Variants in NFIC observed in about 807,000 individuals in gnomAD.
The protein encoded by NFIC is nuclear factor I C.
A neutral mutation model predicts 54.4 loss-of-function variants in NFIC; 12 were observed. That is an observed-to-expected ratio of 0.22 (90% confidence interval 0.14 to 0.36). The LOEUF (loss-of-function observed/expected upper bound fraction) is 0.36. NFIC is among the 10% of genes least tolerant of loss of function. The probability of loss-of-function intolerance (pLI) is 1.00; values close to 1 mark genes in which losing one functional copy is unlikely to be tolerated. For missense variants in NFIC, 575 were observed against 718.2 expected, an observed-to-expected ratio of 0.80 and a Z score of 2.28; for synonymous variants, 322 against 319.2, an observed-to-expected ratio of 1.01 and a Z score of -0.09.
At position 3,467,754 on chromosome 19, in the gene NFIC, T is replaced by TATAC. The variant is rs1397206348; in HGVS notation, c.*4989_*4992dup. The TATAC allele has an allele frequency of 5.3e-5, 4 of 75,582 alleles. No homozygotes were observed. Among genetic ancestry groups the TATAC allele is most frequent in the East Asian group, 3.9e-4 (1 of 2,588 alleles). The allele number at this position is 75,582 out of a possible 1,614,324, so 4.7% of individuals were successfully genotyped here. ...TTTGACCTCCAGTGTAGGGCTATAC[T>TATAC]ATACATATATATATATATATATATA... On this transcript the variant is annotated 3_prime_UTR_variant, in exon 11 of 11. Transcript: ENST00000443272.
rs767201065 is a variant in NFIC at position 3,381,750 on chromosome 19, C to A, written c.69C>A (p.His23Gln). Reference sequence around the variant, plus strand: ...CGTTCATCGAGGCCCTGCTGCCTCACGTCCGCGCCTTCGCCTACACCTGGT... The same window carrying A: ...CGTTCATCGAGGCCCTGCTGCCTCAAGTCCGCGCCTTCGCCTACACCTGGT... ...FHPFIEALLP[H>Q]VRAFAYTWFN... is the part of the protein sequence containing the mutation. The change falls in exon 2 of 11, where the codon CAC becomes CAA. Residue 23 changes from histidine (H) to glutamine (Q), a missense_variant. Physicochemically the swap from His to Gln is conservative, Grantham distance 24 (BLOSUM62 0). Around this residue, in one of 3 missense-constraint regions of NFIC, gnomAD observed 122 missense variants for 158.0 expected, o/e 0.77. Coordinates refer to ENST00000443272, the MANE Select transcript of NFIC (RefSeq NM_001245002.2). The A allele has an allele frequency of 4.3e-6, 7 of 1,613,848 alleles. No homozygotes were observed. In the South Asian group the frequency reaches 5.5e-5, roughly 13 times the overall value.
upstream of NFIC, among the ~76,000 whole-genome samples, chr19:3,361,765 C>T (rs536060689): frequency 4.6e-5 from 7 of 152,226 alleles, no homozygotes; most frequent in South Asian, 6.2e-4. Context: ...GTTGGATGCC[C>T]TGGCCTTCAG....
At chr19:3,440,585 C>T (rs1290024508) in intron 6 of NFIC, among the ~76,000 whole-genome samples, 1 of 152,102 alleles carries the variant, frequency 6.6e-6, no homozygotes, top group African/African-American at 2.4e-5. Context: ...TGCCCGCCAC[C>T]ACGGCTGGCT....
chr19:3,375,576 C>T lies in NFIC; in HGVS notation c.31-6136C>T, dbSNP rs962875216. Among the ~76,000 whole-genome samples the T allele has an allele frequency of 1.3e-5, 2 of 152,200 alleles. No individual in the cohort carries two copies. The highest frequency in any genetic ancestry group is 2.1e-4 in the South Asian group (1 of 4,832). ...AGGTTGGCTGGGGAAGCGGGGGCAG[C>T]GGAAAAGGGCCCTGAGGTCCGGTCC... is the stretch of plus-strand genomic sequence containing the variant. On this transcript the variant is annotated intron_variant, in intron 1 of 10. Coordinates refer to ENST00000443272, the MANE Select transcript of NFIC (RefSeq NM_001245002.2). This position sits in a 1 kb window ranked among gnomAD's most constrained non-coding sequence, Gnocchi z 4.6.
chr19:3,398,400 C>T (rs1183393174), intron 2 of NFIC, among the ~76,000 whole-genome samples: 1 of 152,118 alleles, frequency 6.6e-6, no homozygotes, highest in Non-Finnish European at 1.5e-5. Flanking sequence ...AGGCAAAGGC[C>T]ACCCAGCCTG....
chr19:3,450,637 A>G (rs2082447419), intron 7 of NFIC, among the ~76,000 whole-genome samples: 2 of 152,156 alleles, frequency 1.3e-5, no homozygotes, highest in South Asian at 4.1e-4. Flanking sequence ...CCTGGGCAAC[A>G]GAGCAAGACT....
At chr19:3,381,648 C>G (rs1599578940) in intron 1 of NFIC, 64 bp from the exon 2 acceptor site, 4 of 936,424 alleles carry the variant, frequency 4.3e-6, no homozygotes, top group Non-Finnish European at 1.5e-6. Context: ...GCCTTCGGGG[C>G]CGGGCAGTGG....
At chr19:3,427,093 A>AT (rs2082039327) in intron 3 of NFIC, among the ~76,000 whole-genome samples, 1 of 151,410 alleles carries the variant, frequency 6.6e-6, no homozygotes, top group Non-Finnish European at 1.5e-5. Flanking sequence ...CACCCGGGTA[A>AT]TTTTTTGTAC....
In NFIC at chr19:3,379,673, C is replaced by CTTTT. The variant is rs370082450; in HGVS notation, c.31-2019_31-2016dup. Among the ~76,000 whole-genome samples the CTTTT allele has an allele frequency of 2.9e-3, 294 of 102,466 alleles. 2 individuals are homozygous for CTTTT. The highest frequency in any genetic ancestry group is 6.7e-3 in the African/African-American group (144 of 21,462). 67.2% of individuals were successfully genotyped at this position (102,466 alleles called of 152,430 possible). A position where few individuals can be genotyped will look rare whatever the true frequency, so the allele number is the denominator to read the frequency against. ...ATTTTTCATTTTTTTTTATTTCTTTCTTTTTTTTTTTTTTTTTTTTTTTGA... is the reference window on the plus strand; with the variant it reads ...ATTTTTCATTTTTTTTTATTTCTTTCTTTTTTTTTTTTTTTTTTTTTTTTTTTGA... On this transcript the variant is annotated intron_variant, in intron 1 of 10. Transcript: ENST00000443272.
Position 3,463,212 on chromosome 19 carries a change from G to A in NFIC, c.*443G>A. ...TCTGTCCGGAGACCAGGTGAGCACA[G>A]CCTGGAGCCTGTGCCCAGGGCCGAC... On this transcript the variant is annotated 3_prime_UTR_variant, in exon 11 of 11. Coordinates refer to ENST00000443272, the MANE Select transcript of NFIC (RefSeq NM_001245002.2). 1 of 1,006,348 alleles carries A rather than the reference G, an allele frequency of 9.9e-7. No individual in the cohort carries two copies. The highest frequency in any genetic ancestry group is 1.2e-6 in the Non-Finnish European group (1 of 844,338). The allele number at this position is 1,006,348 out of a possible 1,614,324, so 62.3% of individuals were successfully genotyped here. A position where few individuals can be genotyped will look rare whatever the true frequency, so the allele number is the denominator to read the frequency against.
chr19:3,442,629 C>T (rs572147082), intron 6 of NFIC, among the ~76,000 whole-genome samples: 6 of 152,038 alleles, frequency 3.9e-5, no homozygotes, highest in East Asian at 1.9e-4. Context: ...TCAAGTGATC[C>T]GCCCGCCTCG....
intron 2 of NFIC, among the ~76,000 whole-genome samples, chr19:3,416,341 A>T (rs569667208): frequency 6.7e-6 from 1 of 149,592 alleles, no homozygotes; most frequent in East Asian, 1.9e-4. Flanking sequence ...ACATAGGTAT[A>T]TAAAGTATAA....
chr19:3,435,322 C>T (rs983688772), intron 6 of NFIC, 115 bp downstream of exon 6: 2 of 1,369,130 alleles, frequency 1.5e-6, no homozygotes, highest in African/African-American at 1.5e-5. Context: ...GGCCTGGAGC[C>T]GCGGGGCCTC....
intron 2 of NFIC, among the ~76,000 whole-genome samples, chr19:3,424,840 G>A (rs1347762343): frequency 6.6e-6 from 1 of 152,212 alleles, no homozygotes; most frequent in African/African-American, 2.4e-5. Flanking sequence ...AGAAGCGGAG[G>A]GCTTACCCAA....
Position 3,463,080 on chromosome 19 carries a change from A to C in NFIC, c.*311A>C, listed in dbSNP as rs1480895328. 4 of 1,302,484 alleles carry C rather than the reference A, an allele frequency of 3.1e-6. No homozygotes were observed. In the African/African-American group the frequency reaches 6.1e-5, roughly 20 times the overall value. The allele number at this position is 1,302,484 out of a possible 1,614,324, so 80.7% of individuals were successfully genotyped here. A position where few individuals can be genotyped will look rare whatever the true frequency, so the allele number is the denominator to read the frequency against. On this transcript the variant is annotated 3_prime_UTR_variant, in exon 11 of 11. Transcript: ENST00000443272. Reference sequence around the variant, plus strand: ...TGGAGGGCCAGGCCCCGCCACCCCCACGGGAGACCCGGGACAGGGCGTCTT... The same window carrying C: ...TGGAGGGCCAGGCCCCGCCACCCCCCCGGGAGACCCGGGACAGGGCGTCTT...
intron 1 of NFIC, among the ~76,000 whole-genome samples, chr19:3,374,255 G>T (rs994144678): frequency 1.3e-5 from 2 of 152,108 alleles, no homozygotes; most frequent in African/African-American, 4.8e-5. Context: ...CAAGGTCTTG[G>T]GTCCAGATGT....
intron 3 of NFIC, among the ~76,000 whole-genome samples, chr19:3,426,841 C>T (rs866882400): frequency 1.1e-4 from 17 of 152,260 alleles, no homozygotes; most frequent in Middle Eastern, 6.8e-3. Context: ...TCCAGATCTC[C>T]CCTGGTCTCA....
chr19:3,448,163 C>T (rs1048573090), intron 6 of NFIC, among the ~76,000 whole-genome samples: 2 of 152,194 alleles, frequency 1.3e-5, no homozygotes, highest in Non-Finnish European at 2.9e-5. Context: ...ACCTCTGCCT[C>T]CTGGGTTCAA....
chr19:3,405,688 C>T (rs2081637527), intron 2 of NFIC, among the ~76,000 whole-genome samples: 2 of 151,984 alleles, frequency 1.3e-5, no homozygotes, highest in South Asian at 4.1e-4. Flanking sequence ...CAACCTCCAC[C>T]TCCTGAGTTC....
Sources: gnomAD v4.1 joint callset for allele counts (sites outside exome capture counted in the v4.1 genomes callset) on GRCh38, gnomAD v4.1.1 for gene constraint, gnomAD v4.1.1 regional missense constraint, Gnocchi (gnomAD v3.1) non-coding constraint, MANE v1.5 for transcripts, NCBI Gene and HGNC (gene_info 2026-07-23, HGNC 2026-07-21) for gene names.